The following SCN8A variants were observed in gnomAD, a reference collection of about 807,000 sequenced individuals.
SCN8A encodes the protein sodium channel protein type 8 subunit alpha.
In SCN8A, 30 loss-of-function variants were observed where a neutral mutation model predicts 184.1. That is an observed-to-expected ratio of 0.16 (90% CI 0.12 to 0.22). The LOEUF (loss-of-function observed/expected upper bound fraction) is 0.22. Among genes scored for constraint, SCN8A ranks in the 10% least tolerant of loss-of-function variants. SCN8A has a pLI of 1.00. For synonymous variants in SCN8A, 852 were observed against 907.0 expected (o/e 0.94, Z 1.09); for missense variants, 1,057 against 2,498.9 (o/e 0.42, Z 12.30).
chr12:51,701,328 TCTGAC>T, intron 8 of SCN8A, 121 bp downstream of exon 8: 1 of 518,818 alleles, frequency 1.9e-6, no homozygotes, highest in Non-Finnish European at 3.3e-6. Flanking sequence ...TACAATTGCA[TCTGAC>T]CTATCGGTTG....
At chr12:51,630,600 T>G (rs1940177299) in intron 1 of SCN8A, among the ~76,000 whole-genome samples, 1 of 152,160 alleles carries the variant, frequency 6.6e-6, no homozygotes, top group Admixed American at 6.5e-5. Context: ...TAAAATGATT[T>G]TAAAAATGAT....
chr12:51,642,068 A>G (rs1413246147), intron 1 of SCN8A, among the ~76,000 whole-genome samples: 1 of 152,092 alleles, frequency 6.6e-6, no homozygotes, highest in Non-Finnish European at 1.5e-5. Context: ...CTCCTGCACC[A>G]TGCTCTGCAG....
chr12:51,685,844 C>G (rs1373609386), intron 3 of SCN8A, among the ~76,000 whole-genome samples: 1 of 151,996 alleles, frequency 6.6e-6, no homozygotes, highest in Non-Finnish European at 1.5e-5. Flanking sequence ...CAAGACCAGC[C>G]TGGATGACAT....
intron 1 of SCN8A, among the ~76,000 whole-genome samples, chr12:51,651,752 T>C (rs531465420): frequency 3.3e-5 from 5 of 152,200 alleles, no homozygotes; most frequent in Non-Finnish European, 7.3e-5. Flanking sequence ...TCTCTACATA[T>C]TACCTCTATG....
intron 7 of SCN8A, among the ~76,000 whole-genome samples, chr12:51,700,183 A>AAC (rs1555218790): frequency 5.6e-5 from 8 of 141,784 alleles, no homozygotes; most frequent in South Asian, 2.1e-4. Flanking sequence ...AAAAAAAAAC[A>AAC]AAAAAAAAAA....
intron 1 of SCN8A, among the ~76,000 whole-genome samples, chr12:51,611,149 A>G (rs923790300): frequency 1.3e-5 from 2 of 151,694 alleles, no homozygotes; most frequent in African/African-American, 4.8e-5. Context: ...TATAGTTTTC[A>G]GCCTATAGAT....
At chr12:51,639,897 TTTTTTTTTTTTTTTTTTTTTG>T (rs1940408741) in intron 1 of SCN8A, among the ~76,000 whole-genome samples, 1 of 70,500 alleles carries the variant, frequency 1.4e-5, no homozygotes, top group African/African-American at 5.1e-5. Context: ...TTTTTTTTTT[TTTTTTTTTTTTTTTTTTTTTG>T]AGATGGGGTC....
At chr12:51,786,273 A>T (rs1030110489) in intron 21 of SCN8A, among the ~76,000 whole-genome samples, 1 of 152,236 alleles carries the variant, frequency 6.6e-6, no homozygotes, top group African/African-American at 2.4e-5. Context: ...TCCCAGGCTG[A>T]TGCATAGGAA....
chr12:51,795,372 C>G (rs1279552598), intron 26 of SCN8A, among the ~76,000 whole-genome samples: 1 of 152,190 alleles, frequency 6.6e-6, no homozygotes, highest in Non-Finnish European at 1.5e-5. Context: ...ATTGCCCTCC[C>G]AAAATGTTTC....
chr12:51,601,137 G>A lies in SCN8A; in HGVS notation c.-55+9778G>A, dbSNP rs376717134. Among the ~76,000 whole-genome samples the A allele has an allele frequency of 1.1e-4, 17 of 152,278 alleles. No individual in the cohort carries two copies. In the South Asian group the frequency reaches 3.3e-3, roughly 30 times the overall value. The stretch of plus-strand genomic sequence containing the variant: ...TGTTATACAATAGTCTCTTGGAAAG[G>A]CATTCTTAAGGTAGCCTGGGATGAG... On this transcript the variant is annotated intron_variant, in intron 1 of 26. Transcript: ENST00000627620.
At chr12:51,689,323 C>T (rs1033983190) in intron 6 of SCN8A, 12 of 505,318 alleles carry the variant, frequency 2.4e-5, no homozygotes, top group Middle Eastern at 2.8e-4. Flanking sequence ...TGAAAAAGCA[C>T]GTGCTTAAGA....
rs373086875 is a variant in SCN8A, at chr12:51,624,924, C to CT, written c.-55+33575dup. Among the ~76,000 whole-genome samples, 221 of 148,862 alleles carry CT rather than the reference C, an allele frequency of 1.5e-3. 1 individual carries two copies. Among genetic ancestry groups the CT allele is most frequent in the African/African-American group, 1.8e-3 (74 of 40,704 alleles). On this transcript the variant is annotated intron_variant, in intron 1 of 26. Transcript: ENST00000627620. ...TATTTTCTAAGGTTATATAGGCCAG[C>CT]TTTTTTTTTTCCTCTACCCCCTTCA...
rs1941785509 is a variant in SCN8A at position 51,706,489 on chromosome 12, G to A, written c.1409G>A (p.Gly470Glu). The A allele has an allele frequency of 6.2e-7, 1 of 1,606,514 alleles. No homozygotes were observed. Among genetic ancestry groups the A allele is most frequent in the Non-Finnish European group, 8.5e-7 (1 of 1,176,504 alleles). The change falls in exon 11 of 27, where the codon GGA (glycine) becomes GAA (glutamate). Residue 470 changes from glycine (G) to glutamate (E), a missense_variant. Gly to Glu is a moderately conservative substitution (Grantham distance 98). Coordinates refer to ENST00000627620, the MANE Select transcript of SCN8A (RefSeq NM_001330260.2). ...GCCATAGAGGAAGAAGGTGAAGAAG[G>A]AGGGGGCTCCCCTCGGAGCTCTTCT... ...EDAIEEEGEE[G>E]GGSPRSSSEI... is the part of the protein sequence containing the mutation.
intron 6 of SCN8A, among the ~76,000 whole-genome samples, chr12:51,692,243 A>T (rs1030396973): frequency 6.6e-6 from 1 of 152,076 alleles, no homozygotes; most frequent in African/African-American, 2.4e-5. Context: ...AACTTCCTTT[A>T]TGAGAGCTTT....
intron 12 of SCN8A, among the ~76,000 whole-genome samples, chr12:51,725,499 A>T (rs1325800229): frequency 6.6e-6 from 1 of 152,142 alleles, no homozygotes; most frequent in African/African-American, 2.4e-5. Context: ...TACTATGCTG[A>T]GCATTTTATA....
chr12:51,766,084 C>T, intron 16 of SCN8A, 57 bp downstream of exon 16: 1 of 1,379,222 alleles, frequency 7.3e-7, no homozygotes, highest in South Asian at 1.2e-5. Flanking sequence ...TACCCCTGGC[C>T]CAGAAGCCCA....
At chr12:51,592,149 T>C (rs571910347) in intron 1 of SCN8A, among the ~76,000 whole-genome samples, 115 of 147,998 alleles carry the variant, frequency 7.8e-4, no homozygotes, top group African/African-American at 2.7e-3. Context: ...CCTTGGCTTC[T>C]TGTTAGCGTT....
At position 51,645,714 on chromosome 12, in the gene SCN8A, C is replaced by T. The variant is rs974375200; in HGVS notation, c.-54-17050C>T. On this transcript the variant is annotated intron_variant, in intron 1 of 26. Coordinates refer to ENST00000627620, the MANE Select transcript of SCN8A (RefSeq NM_001330260.2). ...CACTCAGGGTTGAATGGATTAAGGG[C>T]GGTGCAAGATGTGCTTTGTTAAACA... Among the ~76,000 whole-genome samples the T allele has an allele frequency of 3.3e-5, 5 of 149,892 alleles. No homozygotes were observed. In the East Asian group the frequency reaches 5.9e-4, roughly 18 times the overall value.
chr12:51,655,365 TA>T (rs1940801220), intron 1 of SCN8A, among the ~76,000 whole-genome samples: 1 of 115,570 alleles, frequency 8.7e-6, no homozygotes, highest in African/African-American at 2.8e-5. Context: ...GTTGGCATTT[TA>T]AGGTCTTTTT....
Sources: allele counts gnomAD v4.1 joint callset (sites outside exome capture counted in the v4.1 genomes callset), GRCh38; gene constraint gnomAD v4.1.1; transcripts MANE v1.5; gene names NCBI Gene and HGNC (gene_info 2026-07-23, HGNC 2026-07-21).